Variants in RNGTT observed in about 807,000 individuals in gnomAD.
The protein encoded by RNGTT is mRNA-capping enzyme.
A neutral mutation model predicts 79.3 loss-of-function variants in RNGTT; 33 were observed. That is an observed-to-expected ratio of 0.42 (90% CI 0.32 to 0.56). RNGTT has a LOEUF of 0.56. RNGTT is among the 20% of genes least tolerant of loss of function. The pLI, the probability that RNGTT is intolerant of heterozygous loss-of-function variation, is 0.17. For missense variants in RNGTT, 497 were observed against 739.1 expected, an observed-to-expected ratio of 0.67 and a Z score of 3.80; for synonymous variants, 222 against 235.9, an observed-to-expected ratio of 0.94 and a Z score of 0.54.
rs192872624 is a variant in RNGTT, at chr6:88,750,640, A to C, written c.1439+19134T>G. Among the ~76,000 whole-genome samples the C allele has an allele frequency of 5.3e-5, 8 of 152,262 alleles. No individual in the cohort carries two copies. In the East Asian group the frequency reaches 1.5e-3, roughly 29 times the overall value. ...TACTCTGGCTTTCCTGATCTATCAC[A>C]GTGTGATCCTGGCCTGATTTATTTA... On this transcript the variant is annotated intron_variant, in intron 13 of 15. Coordinates refer to ENST00000369485, the MANE Select transcript of RNGTT (RefSeq NM_003800.5).
chr6:88,893,373 A>G (rs1783117923), intron 6 of RNGTT, among the ~76,000 whole-genome samples: 2 of 152,128 alleles, frequency 1.3e-5, no homozygotes, highest in African/African-American at 4.8e-5. Flanking sequence ...TGGATTTCCT[A>G]TGCAAAGTTA....
At chr6:88,754,817 G>A (rs1485792002) in intron 13 of RNGTT, among the ~76,000 whole-genome samples, 1 of 152,204 alleles carries the variant, frequency 6.6e-6, no homozygotes, top group Non-Finnish European at 1.5e-5. Flanking sequence ...TAACTAGCCA[G>A]ACCCATCCCT....
intron 14 of RNGTT, among the ~76,000 whole-genome samples, chr6:88,655,469 G>A (rs1773943084): frequency 6.6e-6 from 1 of 152,118 alleles, no homozygotes; most frequent in Admixed American, 6.5e-5. Context: ...TTTCCTTGGT[G>A]GTAGAGATTT....
chr6:88,698,180 T>A (rs1187643525), intron 13 of RNGTT, among the ~76,000 whole-genome samples: 17 of 111,722 alleles, frequency 1.5e-4, no homozygotes, highest in Admixed American at 7.9e-4. Flanking sequence ...ATATATATGA[T>A]ATATATATGA....
intron 12 of RNGTT, among the ~76,000 whole-genome samples, chr6:88,794,067 A>G (rs1398640166): frequency 6.6e-6 from 1 of 152,240 alleles, no homozygotes; most frequent in African/African-American, 2.4e-5. Context: ...TGACCATAAG[A>G]GAATTTCAAA....
chr6:88,960,728 C>T (rs548679420), intron 1 of RNGTT, among the ~76,000 whole-genome samples: 21 of 152,314 alleles, frequency 1.4e-4, no homozygotes, highest in Admixed American at 5.9e-4. Flanking sequence ...TCTCCAAGAG[C>T]TCTCTCTCAT....
chr6:88,862,509 A>G (rs1782047261), intron 8 of RNGTT, among the ~76,000 whole-genome samples: 1 of 152,166 alleles, frequency 6.6e-6, no homozygotes, highest in Non-Finnish European at 1.5e-5. Context: ...TATTCCTTGT[A>G]ATATCCTTTA....
At chr6:88,946,118 T>C (rs1011403089) in intron 1 of RNGTT, among the ~76,000 whole-genome samples, 4 of 152,224 alleles carry the variant, frequency 2.6e-5, no homozygotes, top group African/African-American at 4.8e-5. Context: ...GTGGCAACCT[T>C]TTGTCTATCA....
intron 13 of RNGTT, among the ~76,000 whole-genome samples, chr6:88,709,754 T>A (rs1303446450): frequency 1.3e-5 from 2 of 152,220 alleles, no homozygotes; most frequent in Non-Finnish European, 2.9e-5. Context: ...TACAGTCTAG[T>A]CACATTTCAA....
intron 13 of RNGTT, among the ~76,000 whole-genome samples, chr6:88,749,687 T>C (rs1215001220): frequency 1.3e-5 from 2 of 152,018 alleles, no homozygotes; most frequent in Non-Finnish European, 2.9e-5. Flanking sequence ...GATCTAAATA[T>C]AAGGAGAGAA....
chr6:88,844,971 A>G (rs934647414), intron 10 of RNGTT, among the ~76,000 whole-genome samples: 4 of 152,112 alleles, frequency 2.6e-5, no homozygotes, highest in African/African-American at 7.3e-5. Flanking sequence ...CATCTGAATT[A>G]AAGTATTAAT....
In RNGTT at chr6:88,610,958, T is replaced by A. The variant is rs907262588; in HGVS notation, c.*1761A>T. On this transcript the variant is annotated 3_prime_UTR_variant, in exon 16 of 16. Coordinates refer to ENST00000369485, the MANE Select transcript of RNGTT (RefSeq NM_003800.5). ...TGAAGTTGCATAGGCATTTTTTTTT[T>A]AATCCATTTTGTAAAAGATACTATG... 2.0e-5 allele frequency: 3 copies of A among 152,062 alleles called. No homozygotes were observed. Among genetic ancestry groups the A allele is most frequent in the African/African-American group, 7.3e-5 (3 of 41,340 alleles). The allele number at this position is 152,062 out of a possible 1,614,324, so 9.4% of individuals were successfully genotyped here. A position where few individuals can be genotyped will look rare whatever the true frequency, so the allele number is the denominator to read the frequency against.
At chr6:88,727,415 G>A (rs1318402390) in intron 13 of RNGTT, among the ~76,000 whole-genome samples, 1 of 152,128 alleles carries the variant, frequency 6.6e-6, no homozygotes, top group Non-Finnish European at 1.5e-5. Flanking sequence ...TAAAGTTAAA[G>A]GTGTATCATC....
At chr6:88,882,214 A>G (rs914521689) in intron 8 of RNGTT, among the ~76,000 whole-genome samples, 32 of 152,218 alleles carry the variant, frequency 2.1e-4, no homozygotes, top group African/African-American at 7.2e-4. Context: ...TTATTCTGCT[A>G]TCTTGTTTTC....
At chr6:88,946,061 T>C (rs896477778) in intron 1 of RNGTT, among the ~76,000 whole-genome samples, 2 of 152,362 alleles carry the variant, frequency 1.3e-5, no homozygotes, top group Admixed American at 1.3e-4. Context: ...CATACTTTGC[T>C]TTACTGTAAT....
intron 13 of RNGTT, among the ~76,000 whole-genome samples, chr6:88,723,237 C>G (rs1012992307): frequency 1.3e-5 from 2 of 152,188 alleles, no homozygotes; most frequent in African/African-American, 2.4e-5. Context: ...CCTATATAGC[C>G]TAGGCTAATG....
intron 13 of RNGTT, among the ~76,000 whole-genome samples, chr6:88,710,870 T>C (rs9353591): frequency 0.12 from 17,958 of 152,226 alleles, 1,175 homozygotes; most frequent in Middle Eastern, 0.23. Context: ...TTAGACTATC[T>C]TTAGTAAATT....
At chr6:88,654,048 C>G (rs1174668888) in intron 14 of RNGTT, among the ~76,000 whole-genome samples, 1 of 152,170 alleles carries the variant, frequency 6.6e-6, no homozygotes, top group Non-Finnish European at 1.5e-5. Context: ...TACTGTATGA[C>G]TCGTTAGTAA....
chr6:88,688,370 A>G (rs918067181), intron 13 of RNGTT, among the ~76,000 whole-genome samples: 1 of 152,224 alleles, frequency 6.6e-6, no homozygotes, highest in African/African-American at 2.4e-5. Flanking sequence ...AAATACAAAT[A>G]TACACGTAGG....
Sources: gnomAD v4.1 joint callset for allele counts (sites outside exome capture counted in the v4.1 genomes callset) on GRCh38, gnomAD v4.1.1 for gene constraint, MANE v1.5 for transcripts, NCBI Gene and HGNC (gene_info 2026-07-23, HGNC 2026-07-21) for gene names.